MRTFB: variants seen among roughly 807,000 people sequenced by gnomAD.
The protein encoded by MRTFB is myocardin related transcription factor B.
A neutral mutation model predicts 104.2 loss-of-function variants in MRTFB; 29 were observed. That is an observed-to-expected ratio of 0.28 (90% CI 0.21 to 0.38). The LOEUF (loss-of-function observed/expected upper bound fraction) is 0.38, where lower values mean the gene tolerates loss of function less well. Ranked by LOEUF, MRTFB falls within the 10% of genes least tolerant of loss-of-function variation. MRTFB has a pLI of 1.00. For missense variants in MRTFB, 1,270 were observed against 1,341.6 expected (o/e 0.95, Z 0.83); for synonymous variants, 535 against 519.5 (o/e 1.03, Z -0.41).
At chr16:14,211,191 A>G (rs1333027097) in intron 4 of MRTFB, among the ~76,000 whole-genome samples, 2 of 152,092 alleles carry the variant, frequency 1.3e-5, no homozygotes, top group African/African-American at 4.8e-5. Flanking sequence ...CTGGACTACT[A>G]TTGAGAATCT....
At chr16:14,042,741 T>TA in the MRTFB span, among the ~76,000 whole-genome samples, 3 of 152,186 alleles carry the variant, frequency 2.0e-5, no homozygotes, top group African/African-American at 7.2e-5. Context: ...TCCTGCCTGT[T>TA]ACGTTTCAAA....
chr16:14,234,413 A>G (rs1447169125), intron 9 of MRTFB, 130 bp downstream of exon 9: 2 of 1,054,470 alleles, frequency 1.9e-6, no homozygotes, highest in African/African-American at 3.2e-5. Context: ...CTTAAAAACT[A>G]AGCCATGCAA....
intron 2 of MRTFB, among the ~76,000 whole-genome samples, chr16:14,093,336 A>G (rs1225043765): frequency 6.6e-6 from 1 of 152,058 alleles, no homozygotes; most frequent in African/African-American, 2.4e-5. Flanking sequence ...ATATGACAAG[A>G]TATTATAGTA....
At chr16:14,035,521 CT>C in the MRTFB span, among the ~76,000 whole-genome samples, 1 of 152,076 alleles carries the variant, frequency 6.6e-6, no homozygotes, top group Non-Finnish European at 1.5e-5. Flanking sequence ...AATATGAAAA[CT>C]AATAAGCTTA....
intron 2 of MRTFB, among the ~76,000 whole-genome samples, chr16:14,118,559 G>T (rs537822861): frequency 2.0e-5 from 3 of 151,832 alleles, no homozygotes; most frequent in South Asian, 4.2e-4. Context: ...CCAGCACTTT[G>T]GGGAAACTGA....
Position 14,258,115 on chromosome 16 carries a change from C to T in MRTFB, c.2718C>T (p.His906=). 3 of 1,613,864 alleles carry T rather than the reference C, an allele frequency of 1.9e-6. No individual in the cohort carries two copies. Among genetic ancestry groups the T allele is most frequent in the Non-Finnish European group, 2.5e-6 (3 of 1,179,800 alleles). Residue 906 remains histidine (H), a synonymous_variant, in exon 16 of 17, where the codon CAC becomes CAT. Coordinates refer to ENST00000571589, the MANE Select transcript of MRTFB (RefSeq NM_001308142.2). ...QAPLPEISNA[H]SQQMDDLFDI... ...CTTCATTGTAGATTTCCAACGCTCA[C>T]AGTCAGCAGATGGATGACCTCTTTG...
At chr16:14,141,159 A>C in intron 3 of MRTFB, 1 of 170,208 alleles carries the variant, frequency 5.9e-6, no homozygotes, top group Admixed American at 5.7e-5. Flanking sequence ...ACAAGTGGCA[A>C]AGCTATCTCA....
chr16:14,215,752 C>T (rs1051595871), intron 6 of MRTFB, among the ~76,000 whole-genome samples: 9 of 152,176 alleles, frequency 5.9e-5, no homozygotes, highest in African/African-American at 1.9e-4. Flanking sequence ...ATGAGATGAA[C>T]ACACATTTTA....
chr16:14,034,638 C>T, the MRTFB span, among the ~76,000 whole-genome samples: 1 of 148,568 alleles, frequency 6.7e-6, no homozygotes, highest in Admixed American at 6.7e-5. Context: ...AAAAAAAAGG[C>T]CATCTTCTCC....
intron 2 of MRTFB, among the ~76,000 whole-genome samples, chr16:14,116,939 GAATTA>G: frequency 6.6e-6 from 1 of 152,236 alleles, no homozygotes; most frequent in South Asian, 2.1e-4. Flanking sequence ...TATACATATT[GAATTA>G]AATTAATGTG....
chr16:14,220,869 G>T (rs1460699324), intron 8 of MRTFB, among the ~76,000 whole-genome samples: 3 of 152,106 alleles, frequency 2.0e-5, no homozygotes, highest in East Asian at 1.9e-4. Flanking sequence ...CTGGAGTCAG[G>T]GTTGGCTCCA....
At chr16:14,164,824 C>G (rs1173525159) in intron 3 of MRTFB, among the ~76,000 whole-genome samples, 3 of 151,970 alleles carry the variant, frequency 2.0e-5, no homozygotes, top group Non-Finnish European at 4.4e-5. Context: ...TGTCTGAACC[C>G]AGATCTTTAT....
At chr16:14,207,566 G>A (rs1418205953) in intron 3 of MRTFB, among the ~76,000 whole-genome samples, 1 of 152,034 alleles carries the variant, frequency 6.6e-6, no homozygotes, top group Non-Finnish European at 1.5e-5. Flanking sequence ...AGTGGTTTTT[G>A]TATGCTACTG....
At chr16:14,076,386 C>T (rs891377147) in intron 1 of MRTFB, among the ~76,000 whole-genome samples, 5 of 151,948 alleles carry the variant, frequency 3.3e-5, no homozygotes, top group Admixed American at 6.6e-5. Flanking sequence ...GTAGAGATGG[C>T]GTTTCTCCAT....
intron 2 of MRTFB, among the ~76,000 whole-genome samples, chr16:14,120,217 AG>A (rs1289679828): frequency 6.6e-6 from 1 of 152,072 alleles, no homozygotes; most frequent in African/African-American, 2.4e-5. Context: ...TGTTTTCCAT[AG>A]TTCACATATG....
chr16:14,188,834 CTTCT>C (rs2040053828), intron 3 of MRTFB, among the ~76,000 whole-genome samples: 1 of 151,938 alleles, frequency 6.6e-6, no homozygotes. Context: ...TTTCTTTTTC[CTTCT>C]GTTTAAATTT....
At chr16:14,147,689 A>G (rs2142730404) in intron 3 of MRTFB, among the ~76,000 whole-genome samples, 1 of 152,304 alleles carries the variant, frequency 6.6e-6, no homozygotes, top group Non-Finnish European at 1.5e-5. Flanking sequence ...CAGAATGCTA[A>G]CATGGGCTTG....
chr16:14,245,741 T>G, intron 11 of MRTFB, 81 bp downstream of exon 11: 1 of 1,470,128 alleles, frequency 6.8e-7, no homozygotes, highest in Non-Finnish European at 9.2e-7. Flanking sequence ...TAGCAGACAT[T>G]AAGTAGTTTT....
the MRTFB span, among the ~76,000 whole-genome samples, chr16:14,046,751 A>C: frequency 6.6e-6 from 1 of 152,244 alleles, no homozygotes; most frequent in Admixed American, 6.5e-5. Context: ...TTTGAGGAGA[A>C]AGAGGAAGCC....
Sources: allele counts gnomAD v4.1 joint callset (sites outside exome capture counted in the v4.1 genomes callset), GRCh38; gene constraint gnomAD v4.1.1; transcripts MANE v1.5; gene names NCBI Gene and HGNC (gene_info 2026-07-23, HGNC 2026-07-21).